The following RANBP2 variants were observed in gnomAD, a reference collection of about 807,000 sequenced individuals.
RANBP2 encodes RAN binding protein 2.
A neutral mutation model predicts 303.6 loss-of-function variants in RANBP2; 57 were observed. The observed-to-expected ratio is 0.19, with a 90% CI of 0.15 to 0.23. The LOEUF is 0.23. Ranked by LOEUF, RANBP2 falls within the 10% of genes least tolerant of loss-of-function variation. The pLI, the probability that RANBP2 is intolerant of heterozygous loss-of-function variation, is 1.00. For missense variants in RANBP2, 3,138 were observed against 3,780.8 expected, an observed-to-expected ratio of 0.83 and a Z score of 4.46; for synonymous variants, 1,167 against 1,301.5, an observed-to-expected ratio of 0.90 and a Z score of 2.23.
At chr2:109,560,710 T>TCA in the RANBP2 span, among the ~76,000 whole-genome samples, 10 of 152,064 alleles carry the variant, frequency 6.6e-5, no homozygotes, top group African/African-American at 1.4e-4. Flanking sequence ...CACTGCTGCC[T>TCA]CACACACACA....
At chr2:108,823,593 G>A in the RANBP2 span, among the ~76,000 whole-genome samples, 1 of 152,230 alleles carries the variant, frequency 6.6e-6, no homozygotes, top group East Asian at 1.9e-4. Context: ...CATTTGCTAT[G>A]CAGAATATCT....
the RANBP2 span, among the ~76,000 whole-genome samples, chr2:109,060,288 G>T: frequency 6.6e-6 from 1 of 152,134 alleles, no homozygotes; most frequent in African/African-American, 2.4e-5. Context: ...ATGAGCTGTT[G>T]GTAACCGAAT....
In RANBP2 at chr2:108,779,373, C is replaced by G. The variant is rs1678088446; in HGVS notation, c.8600-1896C>G. Among the ~76,000 whole-genome samples, 2 of 152,022 alleles carry G rather than the reference C, an allele frequency of 1.3e-5. 1 individual carries two copies. Among genetic ancestry groups the G allele is most frequent in the South Asian group, 4.1e-4 (2 of 4,826 alleles). The stretch of plus-strand genomic sequence containing the variant: ...AGAGATGGGGTTTCGCCATGTTGGC[C>G]AGGCTTGTCTCGAACTCCTGACCTC... On this transcript the variant is annotated intron_variant, in intron 25 of 28. Coordinates refer to ENST00000283195, the MANE Select transcript of RANBP2 (RefSeq NM_006267.5).
the RANBP2 span, chr2:109,544,859 GA>G: frequency 1.2e-6 from 1 of 820,266 alleles, no homozygotes; most frequent in South Asian, 5.6e-5. Flanking sequence ...CAATGAACAA[GA>G]TAAAGATCCA....
chr2:108,739,711 C>T (rs1695916766), intron 6 of RANBP2, among the ~76,000 whole-genome samples: 1 of 152,142 alleles, frequency 6.6e-6, no homozygotes, highest in South Asian at 2.1e-4. Flanking sequence ...ATAGGCCAGG[C>T]GTAGTGGCTC....
chr2:109,724,974 G>T, the RANBP2 span, among the ~76,000 whole-genome samples: 1 of 152,200 alleles, frequency 6.6e-6, no homozygotes, highest in Non-Finnish European at 1.5e-5. Flanking sequence ...AGGCAAACCT[G>T]AGTCAAACAA....
At chr2:109,312,248 C>T in the RANBP2 span, among the ~76,000 whole-genome samples, 1 of 152,276 alleles carries the variant, frequency 6.6e-6, no homozygotes. Flanking sequence ...ACAAATGTAC[C>T]TCAGAGCTGG....
the RANBP2 span, among the ~76,000 whole-genome samples, chr2:109,459,236 A>G: frequency 2.6e-5 from 4 of 152,184 alleles, no homozygotes; most frequent in African/African-American, 9.7e-5. Flanking sequence ...CTTAATATAC[A>G]CATTCACACA....
At chr2:109,093,190 C>T in the RANBP2 span, among the ~76,000 whole-genome samples, 18 of 152,164 alleles carry the variant, frequency 1.2e-4, no homozygotes, top group Non-Finnish European at 1.8e-4. Flanking sequence ...GCAATAGAAA[C>T]GGCTCAATGC....
At chr2:109,597,584 A>G in the RANBP2 span, among the ~76,000 whole-genome samples, 3 of 152,226 alleles carry the variant, frequency 2.0e-5, no homozygotes, top group Non-Finnish European at 4.4e-5. Context: ...CTACACAGTC[A>G]ATTTGCTTTT....
the RANBP2 span, among the ~76,000 whole-genome samples, chr2:109,124,818 C>G: frequency 6.6e-6 from 1 of 152,180 alleles, no homozygotes; most frequent in Non-Finnish European, 1.5e-5. Flanking sequence ...CCTGACTAAA[C>G]CTTCCTCAAC....
At chr2:109,194,615 C>T in the RANBP2 span, among the ~76,000 whole-genome samples, 1 of 152,232 alleles carries the variant, frequency 6.6e-6, no homozygotes, top group African/African-American at 2.4e-5. Context: ...TATGCACACA[C>T]AGGCACTTTG....
At chr2:109,380,007 A>G in the RANBP2 span, among the ~76,000 whole-genome samples, 1 of 152,176 alleles carries the variant, frequency 6.6e-6, no homozygotes, top group Non-Finnish European at 1.5e-5. Flanking sequence ...GATTAACGAC[A>G]TAAAGAAATA....
chr2:109,670,987 G>T, the RANBP2 span, among the ~76,000 whole-genome samples: 4 of 152,234 alleles, frequency 2.6e-5, no homozygotes, highest in African/African-American at 7.2e-5. Flanking sequence ...TGCCTGGCCA[G>T]CTTGGGCCAA....
the RANBP2 span, chr2:109,544,221 A>G: frequency 2.5e-6 from 4 of 1,611,002 alleles, no homozygotes; most frequent in Non-Finnish European, 3.4e-6. Context: ...TGATAAAACA[A>G]ATAACAGCAA....
chr2:109,518,514 T>C, the RANBP2 span, among the ~76,000 whole-genome samples: 8 of 152,184 alleles, frequency 5.3e-5, no homozygotes, highest in Admixed American at 4.6e-4. Flanking sequence ...CAGCTTCAAG[T>C]CTGTAACTCC....
chr2:109,093,915 A>G, the RANBP2 span, among the ~76,000 whole-genome samples: 1 of 152,260 alleles, frequency 6.6e-6, no homozygotes, highest in Non-Finnish European at 1.5e-5. Flanking sequence ...TTATTCTCAC[A>G]GAAGCCCAGG....
chr2:109,618,548 A>T, the RANBP2 span: 1 of 167,026 alleles, frequency 6.0e-6, no homozygotes, highest in Non-Finnish European at 1.5e-5. Context: ...ATTCCTTTTC[A>T]TGATGTGCTT....
chr2:109,692,820 CT>C, the RANBP2 span, among the ~76,000 whole-genome samples: 8,776 of 139,194 alleles, frequency 0.063, 593 homozygotes, highest in African/African-American at 0.19. Context: ...TTCTTTCTTT[CT>C]TTTTTTTTTT....
Sources: gnomAD v4.1 joint callset for allele counts (sites outside exome capture counted in the v4.1 genomes callset) on GRCh38, gnomAD v4.1.1 for gene constraint, MANE v1.5 for transcripts, NCBI Gene and HGNC (gene_info 2026-07-23, HGNC 2026-07-21) for gene names.